Variants in SHBG observed in about 807,000 individuals in gnomAD.
SHBG encodes the protein sex hormone binding globulin.
In SHBG, 37 loss-of-function variants were observed where a neutral mutation model predicts 41.9. That is an observed-to-expected ratio of 0.88 (90% CI 0.68 to 1.16). The LOEUF is 1.16. Among genes scored for constraint, SHBG ranks in the 50% most tolerant of loss-of-function variants. SHBG has a pLI of 0.00. For missense variants in SHBG, 466 were observed against 499.9 expected, an observed-to-expected ratio of 0.93 and a Z score of 0.65; for synonymous variants, 217 against 205.8, an observed-to-expected ratio of 1.05 and a Z score of -0.47.
upstream of SHBG, among the ~76,000 whole-genome samples, chr17:7,628,954 G>A (rs1242513386): frequency 5.9e-5 from 9 of 152,162 alleles, no homozygotes; most frequent in Non-Finnish European, 1.5e-5. Context: ...TACTCGGGAG[G>A]CTGAGACAGG....
Position 7,617,517 on chromosome 17 carries a change from C to T in SHBG, c.-62+3406C>T, listed in dbSNP as rs150069634. On this transcript the variant is annotated intron_variant, in intron 1 of 5. Transcript: ENST00000570547. Reference sequence around the variant, plus strand: ...ACTCGGGAGACTGAGGCAGGAGAATCGCTTGCACCCAGGAGGCAGAGGTTG... The same window carrying T: ...ACTCGGGAGACTGAGGCAGGAGAATTGCTTGCACCCAGGAGGCAGAGGTTG... Among the ~76,000 whole-genome samples the T allele has an allele frequency of 5.3e-3, 807 of 151,944 alleles. 11 individuals are homozygous for T. Among genetic ancestry groups the T allele is most frequent in the African/African-American group, 0.019 (767 of 41,394 alleles).
At chr17:7,614,513 C>A (rs372022316) in intron 1 of SHBG, 23 of 1,514,456 alleles carry the variant, frequency 1.5e-5, no homozygotes, top group African/African-American at 2.9e-5. Context: ...CACATCCCCC[C>A]CAGAGGCCAG....
rs151220592 is a variant in SHBG, at chr17:7,631,988, T to C, written c.825T>C (p.Ser275=). ...CTCTTGGGACACCAGAGAACCCATC[T>C]TGGCTCAGTCTCCACCTCCAAGATC... ...LLALGTPENP[S]WLSLHLQDQK... The change falls in exon 6 of 8, where the codon TCT becomes TCC. Residue 275 remains serine (S), a synonymous_variant. Transcript: ENST00000380450. 28 of 1,613,900 alleles carry C rather than the reference T, an allele frequency of 1.7e-5. No homozygotes were observed. Among genetic ancestry groups the C allele is most frequent in the Non-Finnish European group, 2.2e-5 (26 of 1,180,020 alleles).
At chr17:7,628,941 A>AGCT (rs1341298154), upstream of SHBG, among the ~76,000 whole-genome samples, 1 of 152,138 alleles carries the variant, frequency 6.6e-6, no homozygotes, top group African/African-American at 2.4e-5. Context: ...CTTTACTCCC[A>AGCT]GCTACTCGGG....
chr17:7,626,701 A>C, upstream of SHBG: 5 of 1,613,548 alleles, frequency 3.1e-6, no homozygotes, highest in Non-Finnish European at 4.2e-6. Flanking sequence ...TCCCCCCTCC[A>C]TATACCCTTG....
At position 7,631,296 on chromosome 17, in the gene SHBG, C is replaced by A; in HGVS notation, c.490C>A (p.Arg164Ser). ...GGTCTCTGGGCCCCTGACCAGCAAACGCCATCCCATCATGAGGATTGCGCT... is the reference window on the plus strand; with the variant it reads ...GGTCTCTGGGCCCCTGACCAGCAAAAGCCATCCCATCATGAGGATTGCGCT... ...RQVSGPLTSK[R>S]HPIMRIALGG... Residue 164 changes from arginine to serine, a missense_variant, in exon 4 of 8, where the codon CGC (arginine) becomes AGC (serine). Coordinates refer to ENST00000380450, the MANE Select transcript of SHBG (RefSeq NM_001040.5). The A allele has an allele frequency of 6.2e-7, 1 of 1,613,862 alleles. No homozygotes were observed. The highest frequency in any genetic ancestry group is 8.5e-7 in the Non-Finnish European group (1 of 1,179,908).
At chr17:7,627,754 G>T (rs575328474), upstream of SHBG, 9 of 1,190,034 alleles carry the variant, frequency 7.6e-6, no homozygotes, top group African/African-American at 3.0e-5. This position sits in a 1 kb window ranked among gnomAD's most constrained non-coding sequence, Gnocchi z 4.8. Flanking sequence ...GCGGGAGTCG[G>T]GGGGGACGGC....
intron 1 of SHBG, among the ~76,000 whole-genome samples, chr17:7,616,437 C>A (rs1309531789): frequency 2.4e-5 from 3 of 123,222 alleles, no homozygotes; most frequent in African/African-American, 3.3e-5. Flanking sequence ...GAAACCCCAT[C>A]TCAACTAAAA....
At chr17:7,633,372 C>CT (rs35338190), downstream of SHBG, 131,442 of 1,612,580 alleles carry the variant, frequency 0.082, 6,153 homozygotes, top group South Asian at 0.19. Flanking sequence ...TAAGAACCCC[C>CT]TTTGAAAGTT....
intron 4 of SHBG, 101 bp downstream of exon 4, chr17:7,631,462 AG>A: frequency 6.4e-7 from 1 of 1,564,696 alleles, no homozygotes; most frequent in Non-Finnish European, 8.8e-7. Context: ...GGAGAAGGGA[AG>A]GGTTGAGAGC....
upstream of SHBG, among the ~76,000 whole-genome samples, chr17:7,629,010 C>T (rs148576722): frequency 4.4e-3 from 663 of 152,012 alleles, 3 homozygotes; most frequent in African/African-American, 0.015. Flanking sequence ...GAGCCGAGAT[C>T]GTGCCATTGC....
At chr17:7,618,611 C>T (rs958735742) in intron 1 of SHBG, among the ~76,000 whole-genome samples, 1 of 152,058 alleles carries the variant, frequency 6.6e-6, no homozygotes, top group African/African-American at 2.4e-5. Flanking sequence ...CCGGCCCACA[C>T]TCTCAATTAA....
At chr17:7,624,766 C>T (rs2072162152), upstream of SHBG, among the ~76,000 whole-genome samples, 2 of 151,914 alleles carry the variant, frequency 1.3e-5, no homozygotes, top group Admixed American at 6.6e-5. Context: ...ATTCTCATGC[C>T]TCAGCCTCCC....
intron 1 of SHBG, among the ~76,000 whole-genome samples, chr17:7,622,228 C>T (rs12938899): frequency 0.18 from 26,738 of 151,546 alleles, 2,429 homozygotes; most frequent in African/African-American, 0.19. Context: ...AGAACCCAGG[C>T]CCTTTTCACC....
upstream of SHBG, among the ~76,000 whole-genome samples, chr17:7,623,023 C>T (rs1367835269): frequency 8.4e-5 from 12 of 143,492 alleles, no homozygotes; most frequent in Non-Finnish European, 1.1e-4. Flanking sequence ...GGCGAAAGAG[C>T]GAGACTCCGT....
In SHBG at chr17:7,631,354, G is replaced by C; in HGVS notation, c.548G>C (p.Arg183Pro). Reference protein sequence around the residue: ...GGLLFPASNLRLPLVPALDGC... With the variant: ...GGLLFPASNLPLPLVPALDGC... ...CTGCTCTTCCCCGCTTCCAACCTTCGGTTGCCGGTAACTACACCCCAGGGG... is the reference window on the plus strand; with the variant it reads ...CTGCTCTTCCCCGCTTCCAACCTTCCGTTGCCGGTAACTACACCCCAGGGG... The change falls in exon 4 of 8, where the codon CGG becomes CCG. Residue 183 changes from arginine (R) to proline (P), a missense_variant. Physicochemically the swap from Arg to Pro is moderately radical, Grantham distance 103 (BLOSUM62 -2). Coordinates refer to ENST00000380450, the MANE Select transcript of SHBG (RefSeq NM_001040.5). 6.2e-7 allele frequency: 1 copy of C among 1,612,994 alleles called. No homozygotes were observed. Among genetic ancestry groups the C allele is most frequent in the Non-Finnish European group, 8.5e-7 (1 of 1,179,676 alleles).
At chr17:7,616,795 G>A (rs1420278748) in intron 1 of SHBG, among the ~76,000 whole-genome samples, 2 of 152,080 alleles carry the variant, frequency 1.3e-5, no homozygotes, top group African/African-American at 2.4e-5. Flanking sequence ...AATTAGCTGG[G>A]CATGGTGGTG....
At chr17:7,624,373 A>G (rs1300510381), upstream of SHBG, among the ~76,000 whole-genome samples, 2 of 148,194 alleles carry the variant, frequency 1.3e-5, no homozygotes, top group Non-Finnish European at 3.0e-5. Flanking sequence ...TCAACCTCCC[A>G]GGTAGCTGGA....
At chr17:7,615,253 G>T (rs533791955) in intron 1 of SHBG, among the ~76,000 whole-genome samples, 2 of 152,302 alleles carry the variant, frequency 1.3e-5, no homozygotes, top group African/African-American at 4.8e-5. Flanking sequence ...GCCCCACCGG[G>T]CTTGGACAAG....
Sources: gnomAD v4.1 joint callset for allele counts (sites outside exome capture counted in the v4.1 genomes callset) on GRCh38, gnomAD v4.1.1 for gene constraint, Gnocchi (gnomAD v3.1) non-coding constraint, MANE v1.5 for transcripts, NCBI Gene and HGNC (gene_info 2026-07-23, HGNC 2026-07-21) for gene names.